The following UBXN11 variants were observed in gnomAD, a reference collection of about 807,000 sequenced individuals.
The protein encoded by UBXN11 is UBX domain-containing protein 11.
In UBXN11, 47 loss-of-function variants were observed where a neutral mutation model predicts 62.8. The observed-to-expected ratio is 0.75, with a 90% CI of 0.59 to 0.95. The LOEUF (loss-of-function observed/expected upper bound fraction) is 0.95. Ranked by LOEUF, UBXN11 falls within the 40% of genes least tolerant of loss-of-function variation. The pLI is 0.00. For missense variants in UBXN11, 638 were observed against 661.7 expected, an observed-to-expected ratio of 0.96 and a Z score of 0.39; for synonymous variants, 294 against 267.0, an observed-to-expected ratio of 1.10 and a Z score of -0.99.
intron 8 of UBXN11, among the ~76,000 whole-genome samples, chr1:26,293,510 G>A (rs544464235): frequency 1.4e-4 from 22 of 151,886 alleles, no homozygotes; most frequent in Non-Finnish European, 2.8e-4. Context: ...GGCAGATCAC[G>A]AGGTCAGGAG....
At position 26,284,726 on chromosome 1, in the gene UBXN11, G is replaced by C. The variant is rs939096510; in HGVS notation, c.853-244C>G. The C allele has an allele frequency of 6.2e-6, 8 of 1,280,786 alleles. No homozygotes were observed. The African/African-American group carries it at 1.2e-4, about 20-fold the overall frequency. The allele number at this position is 1,280,786 out of a possible 1,614,324, so 79.3% of individuals were successfully genotyped here. A position where few individuals can be genotyped will look rare whatever the true frequency, so the allele number is the denominator to read the frequency against. ...AGCTGCAGTACTGACACCCTCCTTG[G>C]AGACCCCCCTCTCAGGAGCCTACCG... On this transcript the variant is annotated intron_variant, in intron 10 of 14. Coordinates refer to ENST00000374222, the MANE Select transcript of UBXN11 (RefSeq NM_001389556.1).
intron 8 of UBXN11, among the ~76,000 whole-genome samples, chr1:26,287,588 G>C (rs1280554072): frequency 3.3e-5 from 5 of 151,982 alleles, no homozygotes; most frequent in Non-Finnish European, 7.4e-5. Context: ...GGGCTCTGGG[G>C]ACCTAATTCC....
chr1:26,282,292 G>A lies in UBXN11; in HGVS notation c.*7C>T, dbSNP rs774501358. ...TGGCGGAGCAGCGGGTTGAGGGGGC[G>A]GGTGCTTTATTGGGGGCTGGGACTG... is the stretch of plus-strand genomic sequence containing the variant. On this transcript the variant is annotated 3_prime_UTR_variant, in exon 15 of 15. Transcript: ENST00000374222. 6.1e-6 allele frequency: 9 copies of A among 1,479,464 alleles called. No individual in the cohort carries two copies. Among genetic ancestry groups the A allele is most frequent in the African/African-American group, 2.8e-5 (2 of 70,362 alleles). The allele number at this position is 1,479,464 out of a possible 1,614,324, so 91.6% of individuals were successfully genotyped here. A position where few individuals can be genotyped will look rare whatever the true frequency, so the allele number is the denominator to read the frequency against.
At position 26,282,674 on chromosome 1, in the gene UBXN11, C is replaced by G; in HGVS notation, c.1267G>C (p.Val423Leu). Residue 423 changes from valine to leucine, a missense_variant, in exon 14 of 15, where the codon GTG becomes CTG. Physicochemically the swap from Val to Leu is conservative, Grantham distance 32 (BLOSUM62 1). Transcript: ENST00000374222. ...CTGGCCTGCGCTAGCAGAGCTCGCACGTCCCCAATGGTGTTGTCAGGCTGC... is the reference window on the plus strand; with the variant it reads ...CTGGCCTGCGCTAGCAGAGCTCGCAGGTCCCCAATGGTGTTGTCAGGCTGC... ...MMQPDNTIGD[V>L]RALLAQARVM... 1 of 1,614,128 alleles carries G rather than the reference C, an allele frequency of 6.2e-7. No homozygotes were observed. The highest frequency in any genetic ancestry group is 8.5e-7 in the Non-Finnish European group (1 of 1,180,026).
At chr1:26,313,218 A>G (rs985163674) in intron 1 of UBXN11, among the ~76,000 whole-genome samples, 4 of 152,046 alleles carry the variant, frequency 2.6e-5, no homozygotes, top group African/African-American at 9.7e-5. Context: ...ATCATTGACC[A>G]AGGACATTTG....
In UBXN11 at chr1:26,284,225, T is replaced by C. The variant is rs771068635; in HGVS notation, c.994A>G (p.Lys332Glu). ...EHPGSRMTAE[K>E]FLNRLPKFVI... ...AACTTGGGGAGCCTGTTCAGAAATT[T>C]CTCAGCAGTCATCCTGGAGCCTACA... The change falls in exon 12 of 15, where the codon AAA (lysine) becomes GAA (glutamate). Residue 332 changes from lysine to glutamate, a missense_variant. By Grantham distance (56) the Lys-to-Glu change is moderately conservative (BLOSUM62 1). Coordinates refer to ENST00000374222, the MANE Select transcript of UBXN11 (RefSeq NM_001389556.1). The C allele has an allele frequency of 2.5e-6, 4 of 1,612,782 alleles. No individual in the cohort carries two copies. In the Admixed American group the frequency reaches 5.0e-5, roughly 20 times the overall value.
chr1:26,284,597 T>A (rs1194675892), intron 10 of UBXN11, 115 bp from the exon 11 acceptor site: 2 of 1,417,980 alleles, frequency 1.4e-6, no homozygotes, highest in Admixed American at 6.3e-5. Context: ...GCAACCCCCA[T>A]TTTACATATG....
intron 1 of UBXN11, among the ~76,000 whole-genome samples, chr1:26,312,443 G>C (rs1331984330): frequency 6.6e-6 from 1 of 151,522 alleles, no homozygotes; most frequent in Non-Finnish European, 1.5e-5. Flanking sequence ...GTAGAGACAG[G>C]GTTTCTCCAT....
chr1:26,301,567 G>T, intron 3 of UBXN11, 127 bp downstream of exon 3: 1 of 1,355,532 alleles, frequency 7.4e-7, no homozygotes, highest in Non-Finnish European at 1.0e-6. Flanking sequence ...GAGCTGCACA[G>T]AACACGGTGG....
At chr1:26,307,986 G>T (rs1381111835), upstream of UBXN11, among the ~76,000 whole-genome samples, 3 of 152,122 alleles carry the variant, frequency 2.0e-5, no homozygotes, top group Non-Finnish European at 4.4e-5. Context: ...ACAGATGAGG[G>T]CCGGGCGTGG....
chr1:26,284,974 G>A (rs1317815649), intron 10 of UBXN11: 10 of 1,000,840 alleles, frequency 1.0e-5, no homozygotes, highest in Middle Eastern at 5.0e-4. Flanking sequence ...CCCTCAGTGC[G>A]GCACTAACCC....
intron 1 of UBXN11, among the ~76,000 whole-genome samples, chr1:26,316,004 G>A (rs1045672985): frequency 7.6e-6 from 1 of 132,450 alleles, no homozygotes; most frequent in Admixed American, 9.2e-5. Flanking sequence ...CTGTCACCCT[G>A]GCTGGAGTGC....
chr1:26,318,230 G>T, exon 1 of UBXN11: 3 of 645,384 alleles, frequency 4.6e-6, no homozygotes, highest in Non-Finnish European at 8.2e-6. Context: ...GGGCCTGGCC[G>T]CCCAGCCTTC....
Position 26,282,544 on chromosome 1 carries a change from TC to T in UBXN11, c.1317del (p.Ile440SerfsTer40), listed in dbSNP as rs1385528943. ...QARVMDASAF[E>X]IFSTFPPTLY... is the part of the protein sequence containing the mutation. Reference sequence around the variant, plus strand: ...AGGGTGGGCGGGAATGTGCTGAAGATCTCAAAGGCAGAGGCATCCATGACCC... The same window carrying T: ...AGGGTGGGCGGGAATGTGCTGAAGATTCAAAGGCAGAGGCATCCATGACCC... On this transcript the variant is annotated frameshift_variant, in exon 15 of 15. Transcript: ENST00000374222. LOFTEE classifies it low-confidence loss of function (END_TRUNC). 3 of 1,597,892 alleles carry T rather than the reference TC, an allele frequency of 1.9e-6. No individual in the cohort carries two copies. The South Asian group carries it at 3.3e-5, about 18-fold the overall frequency.
At chr1:26,309,700 G>A (rs2124679885), upstream of UBXN11, among the ~76,000 whole-genome samples, 1 of 152,164 alleles carries the variant, frequency 6.6e-6, no homozygotes, top group South Asian at 2.1e-4. Context: ...TATGAGGCTG[G>A]GCTCTGTCGT....
rs1045502966 is a variant in UBXN11, at chr1:26,302,885, G to T, written c.-2C>A. ...AAGGGAGGCCAAAGGTGAGCTCATA[G>T]TTCTACTTCTAGAATCCAGCTGTCA... On this transcript the variant is annotated 5_prime_UTR_variant, in exon 2 of 15. Transcript: ENST00000374222. 3 of 1,613,632 alleles carry T rather than the reference G, an allele frequency of 1.9e-6. No individual in the cohort carries two copies. The highest frequency in any genetic ancestry group is 2.5e-6 in the Non-Finnish European group (3 of 1,179,806).
chr1:26,311,140 CT>C (rs58696772), upstream of UBXN11, among the ~76,000 whole-genome samples: 2,068 of 135,986 alleles, frequency 0.015, 26 homozygotes, highest in Admixed American at 0.035. Flanking sequence ...AGTCTCTATT[CT>C]TTTTTTTTTT....
chr1:26,297,531 C>G, intron 5 of UBXN11, 50 bp from the exon 6 acceptor site: 1 of 1,497,382 alleles, frequency 6.7e-7, no homozygotes, highest in Non-Finnish European at 8.9e-7. Flanking sequence ...TCCCAGAGCC[C>G]TGCCCAGACA....
intron 1 of UBXN11, among the ~76,000 whole-genome samples, chr1:26,315,428 C>T (rs1461480263): frequency 6.6e-6 from 1 of 152,182 alleles, no homozygotes; most frequent in Non-Finnish European, 1.5e-5. Flanking sequence ...CCTTCTGGCA[C>T]AGGACACCTC....
Sources: gnomAD v4.1 joint callset for allele counts (sites outside exome capture counted in the v4.1 genomes callset) on GRCh38, gnomAD v4.1.1 for gene constraint, MANE v1.5 for transcripts, NCBI Gene and HGNC (gene_info 2026-07-23, HGNC 2026-07-21) for gene names.